The following TRMT9B variants were observed in gnomAD, a reference collection of about 807,000 sequenced individuals.
TRMT9B encodes probable tRNA methyltransferase 9B.
In TRMT9B, 16 loss-of-function variants were observed where a neutral mutation model predicts 11.5. That is an observed-to-expected ratio of 1.39 (90% CI 0.94 to 2.11). The LOEUF (loss-of-function observed/expected upper bound fraction) is 2.11, where lower values mean the gene tolerates loss of function less well. Among genes scored for constraint, TRMT9B ranks in the 30% most tolerant of loss-of-function variants. The probability of loss-of-function intolerance (pLI) is 0.00; values close to 1 mark genes in which losing one functional copy is unlikely to be tolerated. For synonymous variants in TRMT9B, 274 were observed against 192.4 expected (o/e 1.42, Z -3.51); for missense variants, 941 against 553.8 (o/e 1.70, Z -7.02).
At chr8:12,959,503 T>G (rs1801769377) in intron 1 of TRMT9B, among the ~76,000 whole-genome samples, 1 of 142,940 alleles carries the variant, frequency 7.0e-6, no homozygotes, top group Admixed American at 7.5e-5. Context: ...TCCTCTCCTT[T>G]CCTTTTTCCT....
In TRMT9B at chr8:13,029,629, C is replaced by T. The variant is rs1330495358; in HGVS notation, c.*7585C>T. The T allele has an allele frequency of 1.2e-5, 2 of 161,702 alleles. No individual in the cohort carries two copies. Among genetic ancestry groups the T allele is most frequent in the African/African-American group, 4.8e-5 (2 of 41,420 alleles). 10.0% of individuals were successfully genotyped at this position (161,702 alleles called of 1,614,324 possible). On this transcript the variant is annotated 3_prime_UTR_variant, in exon 5 of 5. Coordinates refer to ENST00000524591, the MANE Select transcript of TRMT9B (RefSeq NM_020844.3). Reference sequence around the variant, plus strand: ...CTCACTACACTTCAACAGAACGGGGCAAGTTCGTATTTGAATTCTGTTATA... The same window carrying T: ...CTCACTACACTTCAACAGAACGGGGTAAGTTCGTATTTGAATTCTGTTATA...
chr8:12,986,271 C>A (rs557003479), intron 1 of TRMT9B, among the ~76,000 whole-genome samples: 1 of 152,172 alleles, frequency 6.6e-6, no homozygotes, highest in Non-Finnish European at 1.5e-5. Flanking sequence ...CACCTCCTGT[C>A]GCATTTCCTC....
At chr8:12,951,181 T>A (rs1438039786) in intron 1 of TRMT9B, 8 of 152,162 alleles carry the variant, frequency 5.3e-5, no homozygotes, top group Non-Finnish European at 1.2e-4. Flanking sequence ...TTGATGGGGC[T>A]CGTTTTGCAA....
At chr8:12,973,855 G>C (rs1463163720) in intron 1 of TRMT9B, among the ~76,000 whole-genome samples, 3 of 152,142 alleles carry the variant, frequency 2.0e-5, no homozygotes, top group Non-Finnish European at 4.4e-5. Flanking sequence ...GTTCACGCCA[G>C]TGCCAGTCGA....
At chr8:12,966,368 G>A (rs898820514) in intron 1 of TRMT9B, among the ~76,000 whole-genome samples, 1 of 152,094 alleles carries the variant, frequency 6.6e-6, no homozygotes, top group Non-Finnish European at 1.5e-5. Context: ...ACCCCGGAAA[G>A]CATTGCTACT....
chr8:12,996,306 T>A (rs571481202), intron 2 of TRMT9B, among the ~76,000 whole-genome samples: 2 of 152,212 alleles, frequency 1.3e-5, no homozygotes, highest in Admixed American at 6.5e-5. Flanking sequence ...ATCATACTGA[T>A]GAGTCACTTA....
Position 13,022,019 on chromosome 8 carries a change from C to G in TRMT9B, c.1340C>G (p.Ala447Gly). The G allele has an allele frequency of 6.3e-7, 1 of 1,597,500 alleles. No individual in the cohort carries two copies. Among genetic ancestry groups the G allele is most frequent in the Non-Finnish European group, 8.5e-7 (1 of 1,173,936 alleles). ...GATCATGGTAACTGGTGTATCATTG[C>G]AGAGAAAAAGAGAGGTTGTGATTGA... ...GNDHGNWCII[A>G]EKKRGCD The change falls in exon 5 of 5, where the codon GCA becomes GGA. Residue 447 changes from alanine (A) to glycine (G), a missense_variant. Transcript: ENST00000524591.
At chr8:13,001,080 A>T (rs1286817826) in intron 2 of TRMT9B, among the ~76,000 whole-genome samples, 1 of 152,100 alleles carries the variant, frequency 6.6e-6, no homozygotes, top group Middle Eastern at 3.2e-3. Flanking sequence ...AGCATCACGG[A>T]TTCTCATCTT....
At chr8:13,006,038 G>C (rs1275854300) in intron 2 of TRMT9B, among the ~76,000 whole-genome samples, 164 bp from the exon 3 acceptor site, 1 of 152,170 alleles carries the variant, frequency 6.6e-6, no homozygotes, top group Non-Finnish European at 1.5e-5. Flanking sequence ...CTACTATGGC[G>C]AGGTTATAGT....
At chr8:13,010,612 C>T (rs144562744) in intron 3 of TRMT9B, 1 of 985,052 alleles carries the variant, frequency 1.0e-6, no homozygotes, top group African/African-American at 1.7e-5. Flanking sequence ...GGAGAAAAGA[C>T]CTCTGTTTCC....
At chr8:13,019,127 G>T (rs1433447028) in intron 4 of TRMT9B, among the ~76,000 whole-genome samples, 3 of 152,056 alleles carry the variant, frequency 2.0e-5, no homozygotes, top group Non-Finnish European at 4.4e-5. Context: ...TATTGATTTG[G>T]GGGCGATTTG....
Position 13,022,017 on chromosome 8 carries a change from T to G in TRMT9B, c.1338T>G (p.Ile446Met), listed in dbSNP as rs1563463751. 1.2e-6 allele frequency: 2 copies of G among 1,600,744 alleles called. No individual in the cohort carries two copies. The highest frequency in any genetic ancestry group is 2.2e-5 in the East Asian group (1 of 44,784). ...ATGATCATGGTAACTGGTGTATCAT[T>G]GCAGAGAAAAAGAGAGGTTGTGATT... Reference protein sequence around the residue: ...SGNDHGNWCIIAEKKRGCD With the variant: ...SGNDHGNWCIMAEKKRGCD Residue 446 changes from isoleucine (I) to methionine (M), a missense_variant, in exon 5 of 5, where the codon ATT (isoleucine) becomes ATG (methionine). Ile to Met is a conservative substitution (Grantham distance 10). Transcript: ENST00000524591.
chr8:12,997,353 G>A (rs1808552739), intron 2 of TRMT9B, among the ~76,000 whole-genome samples: 1 of 152,048 alleles, frequency 6.6e-6, no homozygotes. Context: ...CTCTGACCTT[G>A]TGACACACGT....
At chr8:12,968,769 G>A (rs1399609094) in intron 1 of TRMT9B, among the ~76,000 whole-genome samples, 1 of 152,224 alleles carries the variant, frequency 6.6e-6, no homozygotes, top group African/African-American at 2.4e-5. Context: ...GACAAGGTCA[G>A]TTACTAGAAG....
At chr8:12,951,859 G>A (rs1042993561) in intron 1 of TRMT9B, 2 of 151,798 alleles carry the variant, frequency 1.3e-5, no homozygotes, top group African/African-American at 4.8e-5. Flanking sequence ...GCGGCGGGAA[G>A]AAGGGCTAGC....
intron 1 of TRMT9B, among the ~76,000 whole-genome samples, chr8:12,990,200 A>G (rs1159615589): frequency 6.6e-6 from 1 of 152,166 alleles, no homozygotes; most frequent in Non-Finnish European, 1.5e-5. Context: ...CATTCACCCC[A>G]CTTGCAGACA....
intron 3 of TRMT9B, among the ~76,000 whole-genome samples, chr8:13,008,586 A>G (rs1353847029): frequency 6.6e-6 from 1 of 152,234 alleles, no homozygotes; most frequent in African/African-American, 2.4e-5. Flanking sequence ...TATGAGGATT[A>G]ACTATATTGA....
chr8:13,014,340 C>T (rs577551557), intron 4 of TRMT9B, among the ~76,000 whole-genome samples: 5 of 152,252 alleles, frequency 3.3e-5, no homozygotes, highest in South Asian at 2.1e-4. Flanking sequence ...TATTTCTCAC[C>T]GTTCTGGAGG....
rs147072567 is a variant in TRMT9B at position 12,984,104 on chromosome 8, T to C, written c.-199-6730T>C. ...ACGCCTTTTCTTTCTGATGGTTCAG[T>C]GTACACAAACTTTGCTTCATGCCCA... On this transcript the variant is annotated intron_variant, in intron 1 of 4. Transcript: ENST00000524591. 9.8e-5 allele frequency among the ~76,000 whole-genome samples: 15 copies of C among 152,292 alleles called. No individual in the cohort carries two copies. In the East Asian group the frequency reaches 2.3e-3, roughly 24 times the overall value.
Sources: allele counts gnomAD v4.1 joint callset (sites outside exome capture counted in the v4.1 genomes callset), GRCh38; gene constraint gnomAD v4.1.1; transcripts MANE v1.5; gene names NCBI Gene and HGNC (gene_info 2026-07-23, HGNC 2026-07-21).